Variants in ADGRD1 observed in about 807,000 individuals in gnomAD.
ADGRD1 encodes adhesion G protein-coupled receptor D1.
A neutral mutation model predicts 113.4 loss-of-function variants in ADGRD1; 77 were observed. The observed-to-expected ratio is 0.68, with a 90% CI of 0.57 to 0.82. The LOEUF is 0.82. ADGRD1 is among the 40% of genes least tolerant of loss of function. The pLI is 0.00. For synonymous variants in ADGRD1, 474 were observed against 475.0 expected (o/e 1.00, Z 0.03); for missense variants, 1,036 against 1,139.1 (o/e 0.91, Z 1.30).
At chr12:131,135,914 C>A in intron 21 of ADGRD1, 123 bp from the exon 22 acceptor site, 2 of 996,566 alleles carry the variant, frequency 2.0e-6, no homozygotes, top group African/African-American at 1.6e-5. Context: ...GGGAGGACCC[C>A]AGGTCTTGCT....
chr12:131,014,287 T>A lies in ADGRD1; in HGVS notation c.1420T>A (p.Ser474Thr). ...GGAGGTGTCCCCACCACCCACCCTG[T>A]CTCAGAACCTGTCGGGCTCTCCACT... ...SLEVSPPPTL[S>T]QNLSGSPLIT... The change falls in exon 13 of 25, where the codon TCT becomes ACT. Residue 474 changes from serine to threonine, a missense_variant. Transcript: ENST00000261654. 1 of 1,614,158 alleles carries A rather than the reference T, an allele frequency of 6.2e-7. No individual in the cohort carries two copies.
intron 13 of ADGRD1, among the ~76,000 whole-genome samples, chr12:131,052,875 T>G (rs1883529260): frequency 6.6e-6 from 1 of 152,166 alleles, no homozygotes; most frequent in South Asian, 2.1e-4. Context: ...CATCTGCCAC[T>G]AGACCTGCTG....
rs927147605 is a variant in ADGRD1, at chr12:130,992,508, C to G, written c.966+116C>G. 8.5e-6 allele frequency: 8 copies of G among 944,262 alleles called. No homozygotes were observed. The Middle Eastern group carries it at 9.6e-4, about 114-fold the overall frequency. The allele number at this position is 944,262 out of a possible 1,614,324, so 58.5% of individuals were successfully genotyped here. On this transcript the variant is annotated intron_variant, in intron 8 of 24. Coordinates refer to ENST00000261654, the MANE Select transcript of ADGRD1 (RefSeq NM_198827.5). ...AAAAAAGCAGGAACTTTTACTGAAACGTTTGGGTTTCAGGCTTCTCATGAA... is the reference window on the plus strand; with the variant it reads ...AAAAAAGCAGGAACTTTTACTGAAAGGTTTGGGTTTCAGGCTTCTCATGAA...
At chr12:131,115,492 G>A (rs79445807) in intron 18 of ADGRD1, among the ~76,000 whole-genome samples, 5,445 of 152,162 alleles carry the variant, frequency 0.036, 311 homozygotes, top group African/African-American at 0.13. Flanking sequence ...CCCATCTGTC[G>A]AGACCCCTTG....
chr12:131,006,393 G>C (rs146070782), intron 12 of ADGRD1, among the ~76,000 whole-genome samples: 5 of 152,338 alleles, frequency 3.3e-5, no homozygotes, highest in Admixed American at 3.3e-4. Flanking sequence ...TCAGTCATGG[G>C]CAAACACACA....
chr12:130,995,064 T>C (rs1258409912), intron 8 of ADGRD1, among the ~76,000 whole-genome samples: 1 of 152,170 alleles, frequency 6.6e-6, no homozygotes, highest in Non-Finnish European at 1.5e-5. Context: ...CAGTTAGCCG[T>C]GTCATTGTGG....
chr12:131,076,725 C>T (rs559449263), intron 13 of ADGRD1, 76 bp from the exon 14 acceptor site: 123 of 1,262,262 alleles, frequency 9.7e-5, no homozygotes, highest in South Asian at 1.8e-4. Context: ...GTAAGGGTCT[C>T]GCTCTCACAT....
At chr12:130,993,957 CA>C (rs2136667286) in intron 8 of ADGRD1, 1 of 163,294 alleles carries the variant, frequency 6.1e-6, no homozygotes, top group South Asian at 1.6e-4. Context: ...CCCTCCTCGT[CA>C]GGGGGAAATC....
intron 20 of ADGRD1, among the ~76,000 whole-genome samples, chr12:131,124,495 C>T (rs1950694728): frequency 6.6e-6 from 1 of 152,214 alleles, no homozygotes; most frequent in Admixed American, 6.5e-5. Context: ...TACATTAGAA[C>T]ATCAGCTTCC....
chr12:131,124,661 C>T (rs1479403220), intron 20 of ADGRD1, among the ~76,000 whole-genome samples: 1 of 105,512 alleles, frequency 9.5e-6, no homozygotes, highest in East Asian at 1.9e-4. Flanking sequence ...CAAACACACA[C>T]ACTGCCCACC....
chr12:131,055,692 A>G (rs1459000150), intron 13 of ADGRD1, among the ~76,000 whole-genome samples: 4 of 152,210 alleles, frequency 2.6e-5, no homozygotes, highest in African/African-American at 4.8e-5. Context: ...ACAAAGTAGC[A>G]TAGCAAACAA....
chr12:131,071,089 T>G (rs1267539208), intron 13 of ADGRD1, among the ~76,000 whole-genome samples: 1 of 121,646 alleles, frequency 8.2e-6, no homozygotes, highest in Admixed American at 8.6e-5. Context: ...TGAAAGGAGG[T>G]GGAGCCATGT....
At chr12:131,105,731 T>G (rs371514705) in intron 16 of ADGRD1, 23 bp from the exon 17 acceptor site, 6 of 1,584,168 alleles carry the variant, frequency 3.8e-6, no homozygotes, top group Admixed American at 1.7e-5. Flanking sequence ...GGCCCAGGCC[T>G]CACACCCTGC....
chr12:131,033,068 C>T (rs1210388485), intron 13 of ADGRD1, among the ~76,000 whole-genome samples: 5 of 152,228 alleles, frequency 3.3e-5, no homozygotes, highest in South Asian at 2.1e-4. Context: ...AAATGGCGCG[C>T]GACGAGCCCC....
At position 131,003,009 on chromosome 12, in the gene ADGRD1, G is replaced by A. The variant is rs1056341277; in HGVS notation, c.1027-176G>A. On this transcript the variant is annotated intron_variant, in intron 9 of 24. Coordinates refer to ENST00000261654, the MANE Select transcript of ADGRD1 (RefSeq NM_198827.5). The surrounding 1 kb of genome is among the most constrained non-coding windows in gnomAD (Gnocchi z 4.8). ...GTGTCCATGCTCCGTGAGCTCAGTC[G>A]GGTGTGTGGCCTCCGTGTGGTCCCC... Among the ~76,000 whole-genome samples the A allele has an allele frequency of 6.6e-6, 1 of 152,202 alleles. No individual in the cohort carries two copies. The highest frequency in any genetic ancestry group is 2.4e-5 in the African/African-American group (1 of 41,448).
intron 11 of ADGRD1, among the ~76,000 whole-genome samples, chr12:131,005,008 A>G (rs769884854): frequency 2.0e-5 from 3 of 152,016 alleles, no homozygotes; most frequent in Non-Finnish European, 4.4e-5. Flanking sequence ...TGCCCCTGCC[A>G]CCCTGGCCAG....
chr12:131,009,591 G>A (rs1441647714), intron 12 of ADGRD1, among the ~76,000 whole-genome samples: 1 of 152,224 alleles, frequency 6.6e-6, no homozygotes, highest in Non-Finnish European at 1.5e-5. Context: ...TGTGATGCCT[G>A]CAACACACCG....
At chr12:131,044,311 G>C (rs1882451530) in intron 13 of ADGRD1, among the ~76,000 whole-genome samples, 4 of 152,190 alleles carry the variant, frequency 2.6e-5, no homozygotes, top group Admixed American at 2.6e-4. Flanking sequence ...TCGGGGCCGA[G>C]GAGGCCACGC....
At chr12:131,073,653 G>T (rs1885350950) in intron 13 of ADGRD1, among the ~76,000 whole-genome samples, 1 of 152,184 alleles carries the variant, frequency 6.6e-6, no homozygotes, top group South Asian at 2.1e-4. Flanking sequence ...ATAAAGGAAA[G>T]AAGTTTATTT....
Sources: gnomAD v4.1 joint callset for allele counts (sites outside exome capture counted in the v4.1 genomes callset) on GRCh38, gnomAD v4.1.1 for gene constraint, Gnocchi (gnomAD v3.1) non-coding constraint, MANE v1.5 for transcripts, NCBI Gene and HGNC (gene_info 2026-07-23, HGNC 2026-07-21) for gene names.